Variants in SNAP25 observed in about 807,000 individuals in gnomAD.
SNAP25 encodes synaptosome associated protein 25, also known as synaptosomal-associated protein 25.
SNAP25 carries 3 observed loss-of-function variants against 28.7 expected under a neutral mutation model. That is an observed-to-expected ratio of 0.10 (90% CI 0.05 to 0.27). The LOEUF is 0.27. Among genes scored for constraint, SNAP25 ranks in the 10% least tolerant of loss-of-function variants. The pLI is 1.00. For synonymous variants in SNAP25, 61 were observed against 88.1 expected (o/e 0.69, Z 1.72); for missense variants, 117 against 278.7 (o/e 0.42, Z 4.13).
chr20:10,244,825 G>C (rs1168988126), intron 1 of SNAP25, among the ~76,000 whole-genome samples: 1 of 151,136 alleles, frequency 6.6e-6, no homozygotes. Context: ...CCACCTCCCA[G>C]GTTCAAGCGA....
Position 10,293,101 on chromosome 20 carries a change from T to C in SNAP25, c.164-60T>C. 6.6e-7 allele frequency: 1 copy of C among 1,523,084 alleles called. No individual in the cohort carries two copies. Among genetic ancestry groups the C allele is most frequent in the Non-Finnish European group, 8.9e-7 (1 of 1,123,456 alleles). 94.3% of individuals were successfully genotyped at this position (1,523,084 alleles called of 1,614,324 possible). A position where few individuals can be genotyped will look rare whatever the true frequency, so the allele number is the denominator to read the frequency against. On this transcript the variant is annotated intron_variant, in intron 4 of 7. Coordinates refer to ENST00000254976, the MANE Select transcript of SNAP25 (RefSeq NM_130811.4). This position sits in a 1 kb window ranked among gnomAD's most constrained non-coding sequence, Gnocchi z 5.6. ...GTGAATGTCTGAAGTTTTGTCTTTT[T>C]TTCTTTGTCCTTTTCCATCTGCTTC...
chr20:10,234,578 G>GCTT (rs1268322478), intron 1 of SNAP25, among the ~76,000 whole-genome samples: 2 of 152,158 alleles, frequency 1.3e-5, no homozygotes, highest in African/African-American at 4.8e-5. Flanking sequence ...ATTTGAGATT[G>GCTT]CTTCCATTGC....
At chr20:10,234,816 A>G (rs2062888407) in intron 1 of SNAP25, among the ~76,000 whole-genome samples, 1 of 152,172 alleles carries the variant, frequency 6.6e-6, no homozygotes, top group South Asian at 2.1e-4. Context: ...CATGGATCCC[A>G]CTGGCAGTAT....
chr20:10,236,503 T>TC (rs1195192701), intron 1 of SNAP25, among the ~76,000 whole-genome samples: 1 of 152,148 alleles, frequency 6.6e-6, no homozygotes, highest in Non-Finnish European at 1.5e-5. Context: ...TTAAGTTTTT[T>TC]CCCTGTCTCT....
chr20:10,247,537 G>A (rs2063150632), intron 1 of SNAP25, among the ~76,000 whole-genome samples: 1 of 152,202 alleles, frequency 6.6e-6, no homozygotes, highest in South Asian at 2.1e-4. Context: ...TTTAGATTAA[G>A]TCAGGCTTCC....
At chr20:10,240,980 C>A (rs1386125904) in intron 1 of SNAP25, among the ~76,000 whole-genome samples, 2 of 152,148 alleles carry the variant, frequency 1.3e-5, no homozygotes, top group Non-Finnish European at 2.9e-5. Context: ...TGGAGAAAAG[C>A]CTCTGTGAAG....
At chr20:10,271,807 G>C (rs1053261325) in intron 1 of SNAP25, among the ~76,000 whole-genome samples, 2 of 152,212 alleles carry the variant, frequency 1.3e-5, no homozygotes, top group African/African-American at 4.8e-5. Flanking sequence ...GAGTGGGACA[G>C]AGCAATAGCA....
chr20:10,268,728 A>G (rs2063546111), intron 1 of SNAP25, among the ~76,000 whole-genome samples: 1 of 152,208 alleles, frequency 6.6e-6, no homozygotes, highest in African/African-American at 2.4e-5. Context: ...TTTGCTCCTC[A>G]TGTCATTAAG....
chr20:10,231,608 G>A (rs569777333), intron 1 of SNAP25: 1 of 152,292 alleles, frequency 6.6e-6, no homozygotes, highest in South Asian at 2.1e-4. Context: ...GCCTCAAGTG[G>A]TGTCCCAAAC....
chr20:10,283,405 G>T (rs536090434), intron 3 of SNAP25, among the ~76,000 whole-genome samples: 1 of 152,152 alleles, frequency 6.6e-6, no homozygotes, highest in Non-Finnish European at 1.5e-5. Context: ...CACAGTCTGC[G>T]CTGTCAAGGA....
chr20:10,306,078 A>C, intron 7 of SNAP25, 51 bp from the exon 8 acceptor site: 1 of 1,583,434 alleles, frequency 6.3e-7, no homozygotes, highest in Non-Finnish European at 8.7e-7. Flanking sequence ...AGAAGGGTGA[A>C]TGGATTTTTA....
chr20:10,259,485 A>G (rs539151025), intron 1 of SNAP25, among the ~76,000 whole-genome samples: 1 of 152,336 alleles, frequency 6.6e-6, no homozygotes, highest in Middle Eastern at 3.4e-3. Flanking sequence ...TGTGGGTGCA[A>G]TTAGATTCTG....
intron 4 of SNAP25, among the ~76,000 whole-genome samples, chr20:10,291,058 T>C (rs182412012): frequency 4.6e-5 from 7 of 152,322 alleles, no homozygotes; most frequent in Admixed American, 3.9e-4. Context: ...TATAGCCTTT[T>C]AAAAATTTTT....
At chr20:10,255,316 A>G (rs973754711) in intron 1 of SNAP25, among the ~76,000 whole-genome samples, 1 of 152,210 alleles carries the variant, frequency 6.6e-6, no homozygotes, top group Non-Finnish European at 1.5e-5. Context: ...GCCACAAGTG[A>G]CACTCTTAAG....
At chr20:10,235,747 T>C (rs1035202848) in intron 1 of SNAP25, among the ~76,000 whole-genome samples, 2 of 152,194 alleles carry the variant, frequency 1.3e-5, no homozygotes, top group Non-Finnish European at 1.5e-5. Context: ...TTCACTCCCA[T>C]GTCTAGTGGT....
At chr20:10,297,197 C>A in intron 6 of SNAP25, 147 bp downstream of exon 6, 1 of 1,126,744 alleles carries the variant, frequency 8.9e-7, no homozygotes, top group Non-Finnish European at 1.2e-6. Flanking sequence ...CTTTCCTGGA[C>A]CTTGCCTGGG....
rs1407213651 is a variant in SNAP25, at chr20:10,265,914, G to C, written c.-63-9515G>C. 4.6e-5 allele frequency among the ~76,000 whole-genome samples: 7 copies of C among 152,292 alleles called. 1 individual carries two copies. The South Asian group carries it at 1.5e-3, about 32-fold the overall frequency. ...AAGTCTGGGGTGGAACTCCTAACAA[G>C]CTCCCTGGTGAGGCCGATGCTGGTC... On this transcript the variant is annotated intron_variant, in intron 1 of 7. Coordinates refer to ENST00000254976, the MANE Select transcript of SNAP25 (RefSeq NM_130811.4).
At chr20:10,266,742 A>G (rs1204181859) in intron 1 of SNAP25, among the ~76,000 whole-genome samples, 1 of 152,232 alleles carries the variant, frequency 6.6e-6, no homozygotes, top group Non-Finnish European at 1.5e-5. Context: ...ACCTATAAAC[A>G]TGACAACACA....
At chr20:10,241,500 G>A (rs1402827554) in intron 1 of SNAP25, among the ~76,000 whole-genome samples, 1 of 152,060 alleles carries the variant, frequency 6.6e-6, no homozygotes, top group Non-Finnish European at 1.5e-5. Flanking sequence ...ATTTTAATGG[G>A]AAGGGGCAGA....
Sources: allele counts gnomAD v4.1 joint callset (sites outside exome capture counted in the v4.1 genomes callset), GRCh38; gene constraint gnomAD v4.1.1; non-coding constraint Gnocchi (gnomAD v3.1); transcripts MANE v1.5; gene names NCBI Gene and HGNC (gene_info 2026-07-23, HGNC 2026-07-21).